The following HABP4 variants were observed in gnomAD, a reference collection of about 807,000 sequenced individuals.
HABP4 encodes hyaluronan binding protein 4, also known as intracellular hyaluronan-binding protein 4.
In HABP4, 32 loss-of-function variants were observed where a neutral mutation model predicts 44.1. The observed-to-expected ratio is 0.73, with a 90% CI of 0.55 to 0.97. The LOEUF (loss-of-function observed/expected upper bound fraction) is 0.97. Among genes scored for constraint, HABP4 ranks in the 50% least tolerant of loss-of-function variants. The pLI is 0.00. For missense variants in HABP4, 503 were observed against 561.9 expected (o/e 0.90, Z 1.06); for synonymous variants, 216 against 218.0 (o/e 0.99, Z 0.08).
intron 1 of HABP4, among the ~76,000 whole-genome samples, chr9:96,452,116 A>C (rs901894727): frequency 2.6e-5 from 4 of 151,324 alleles, no homozygotes; most frequent in Non-Finnish European, 4.4e-5. Flanking sequence ...AGGTCCAGCT[A>C]CTCGGGAGGC....
chr9:96,450,304 G>T lies in HABP4; in HGVS notation c.25G>T (p.Val9Leu), dbSNP rs1312616504. Residue 9 changes from valine (V) to leucine (L), a missense_variant, in exon 1 of 8, where the codon GTG (valine) becomes TTG (leucine). Physicochemically the swap from Val to Leu is conservative, Grantham distance 32. Coordinates refer to ENST00000375249, the MANE Select transcript of HABP4 (RefSeq NM_014282.4). The surrounding 1 kb of genome is among the most constrained non-coding windows in gnomAD (Gnocchi z 4.8). MKGALGSP[V>L]AAAGAAMQES... is the part of the protein sequence containing the mutation. ...CATGAAGGGCGCTCTGGGGAGTCCC[G>T]TGGCTGCCGCTGGCGCCGCGATGCA... 3 of 1,468,328 alleles carry T rather than the reference G, an allele frequency of 2.0e-6. No individual in the cohort carries two copies. The African/African-American group carries it at 4.4e-5, about 22-fold the overall frequency. 91.0% of individuals were successfully genotyped at this position (1,468,328 alleles called of 1,614,324 possible). A position where few individuals can be genotyped will look rare whatever the true frequency, so the allele number is the denominator to read the frequency against.
Position 96,470,884 on chromosome 9 carries a change from G to T in HABP4, c.744-127G>T, listed in dbSNP as rs1305193783. The T allele has an allele frequency of 2.2e-5, 13 of 593,622 alleles. No individual in the cohort carries two copies. In the East Asian group the frequency reaches 2.3e-4, roughly 11 times the overall value. The allele number at this position is 593,622 out of a possible 1,614,324, so 36.8% of individuals were successfully genotyped here. On this transcript the variant is annotated intron_variant, in intron 4 of 7. Coordinates refer to ENST00000375249, the MANE Select transcript of HABP4 (RefSeq NM_014282.4). ...CACTCCAGCCTGGGCGACAGAGTGA[G>T]ACTCAGTCTCAAAAAAAAAAAAAAA...
chr9:96,451,287 T>C (rs1274950288), intron 1 of HABP4, among the ~76,000 whole-genome samples: 1 of 152,278 alleles, frequency 6.6e-6, no homozygotes, highest in Non-Finnish European at 1.5e-5. Flanking sequence ...AAAAGCGTTT[T>C]TAACCTTTCC....
intron 2 of HABP4, among the ~76,000 whole-genome samples, chr9:96,460,267 T>G (rs537918737): frequency 1.3e-5 from 2 of 152,252 alleles, no homozygotes; most frequent in Non-Finnish European, 2.9e-5. Flanking sequence ...CAGAAAAGTT[T>G]TAAGAATTAT....
intron 4 of HABP4, among the ~76,000 whole-genome samples, chr9:96,469,340 G>T (rs573734815): frequency 3.9e-5 from 6 of 152,298 alleles, no homozygotes; most frequent in African/African-American, 1.4e-4. Flanking sequence ...ATCTGTTGTT[G>T]TCAGAGATTT....
chr9:96,483,729 CAT>C (rs1832920903), intron 5 of HABP4: 1 of 151,842 alleles, frequency 6.6e-6, no homozygotes, highest in African/African-American at 2.4e-5. Context: ...TTTTTGGTGT[CAT>C]GTGGAAGAAA....
At chr9:96,472,453 A>G (rs1832714277) in intron 5 of HABP4, among the ~76,000 whole-genome samples, 1 of 152,110 alleles carries the variant, frequency 6.6e-6, no homozygotes, top group Non-Finnish European at 1.5e-5. Flanking sequence ...CAGAGTAATT[A>G]TGATCCATTA....
chr9:96,471,186 A>G (rs1210464011), intron 5 of HABP4, 92 bp downstream of exon 5: 2 of 741,376 alleles, frequency 2.7e-6, no homozygotes, highest in Non-Finnish European at 2.4e-6. Context: ...TTTGTCACCC[A>G]GGCTGGAGTG....
chr9:96,469,353 T>C (rs907105122), intron 4 of HABP4, among the ~76,000 whole-genome samples: 23 of 152,300 alleles, frequency 1.5e-4, no homozygotes, highest in African/African-American at 5.3e-4. Flanking sequence ...AGAGATTTGA[T>C]TAAGTTTGAG....
chr9:96,477,146 A>G (rs554048436), intron 5 of HABP4, among the ~76,000 whole-genome samples: 27 of 152,330 alleles, frequency 1.8e-4, no homozygotes, highest in African/African-American at 6.0e-4. Context: ...TGTAAAATCT[A>G]TTCTTTCTAG....
At position 96,450,597 on chromosome 9, in the gene HABP4, C is replaced by T. The variant is rs371126575; in HGVS notation, c.318C>T (p.Pro106=). The change falls in exon 1 of 8, where the codon CCC becomes CCT. Residue 106 remains proline (P), a synonymous_variant. Transcript: ENST00000375249. The surrounding 1 kb of genome is among the most constrained non-coding windows in gnomAD (Gnocchi z 4.8). The stretch of plus-strand genomic sequence containing the variant: ...TCCCGGCGCCCGTCGCTCAGCGGCC[C>T]GATAGCCCCGGGGGCGGCCTGCAGG... The part of the protein sequence containing the change: ...KSLPAPVAQR[P]DSPGGGLQAP... The T allele has an allele frequency of 1.1e-5, 14 of 1,284,084 alleles. No individual in the cohort carries two copies. In the South Asian group the frequency reaches 1.5e-4, roughly 14 times the overall value. 79.5% of individuals were successfully genotyped at this position (1,284,084 alleles called of 1,614,324 possible).
chr9:96,465,708 A>T lies in HABP4; in HGVS notation c.675-2A>T. 6.3e-7 allele frequency: 1 copy of T among 1,586,432 alleles called. No individual in the cohort carries two copies. The highest frequency in any genetic ancestry group is 8.7e-7 in the Non-Finnish European group (1 of 1,154,784). Reference sequence around the variant, plus strand: ...TTAAGGGACTATTCTTTCTTTCCGTAGAGCAGTCAGAACTGAAGACAACAT... The same window carrying T: ...TTAAGGGACTATTCTTTCTTTCCGTTGAGCAGTCAGAACTGAAGACAACAT... On this transcript the variant is annotated splice_acceptor_variant, in intron 3 of 7. Coordinates refer to ENST00000375249, the MANE Select transcript of HABP4 (RefSeq NM_014282.4). LOFTEE classifies it high-confidence loss of function.
intron 5 of HABP4, among the ~76,000 whole-genome samples, chr9:96,473,814 A>G (rs1832734055): frequency 6.6e-6 from 1 of 152,094 alleles, no homozygotes; most frequent in Admixed American, 6.5e-5. Flanking sequence ...CTCTTCGCCT[A>G]TCTGTCTCTT....
intron 4 of HABP4, among the ~76,000 whole-genome samples, chr9:96,467,567 C>G (rs1313031060): frequency 1.4e-5 from 2 of 146,900 alleles, no homozygotes; most frequent in African/African-American, 5.1e-5. Flanking sequence ...ACTCTGTCAC[C>G]CAGGCTGGAG....
At chr9:96,459,944 T>C (rs1041243134) in intron 2 of HABP4, among the ~76,000 whole-genome samples, 2 of 152,188 alleles carry the variant, frequency 1.3e-5, no homozygotes, top group Non-Finnish European at 2.9e-5. Context: ...AAATCTGCTG[T>C]GTAGTAAGCA....
chr9:96,450,635 G>T lies in HABP4; in HGVS notation c.349+7G>T. 7.9e-7 allele frequency: 1 copy of T among 1,263,362 alleles called. No individual in the cohort carries two copies. The highest frequency in any genetic ancestry group is 3.1e-5 in the East Asian group (1 of 32,036). 78.3% of individuals were successfully genotyped at this position (1,263,362 alleles called of 1,614,324 possible). A position where few individuals can be genotyped will look rare whatever the true frequency, so the allele number is the denominator to read the frequency against. On this transcript the variant is annotated splice_region_variant and intron_variant, in intron 1 of 7. Coordinates refer to ENST00000375249, the MANE Select transcript of HABP4 (RefSeq NM_014282.4). The surrounding 1 kb of genome is among the most constrained non-coding windows in gnomAD (Gnocchi z 4.8). The stretch of plus-strand genomic sequence containing the variant: ...GGCGGCCTGCAGGCGCCGGGTACGC[G>T]GGGACAGCGGGGTTAGCGGACCACG...
At chr9:96,487,317 T>G (rs553279958) in intron 6 of HABP4, among the ~76,000 whole-genome samples, 58 of 151,186 alleles carry the variant, frequency 3.8e-4, no homozygotes, top group African/African-American at 9.0e-4. Context: ...AGTGGGGTTT[T>G]TGTGTGTGTG....
chr9:96,471,040 A>T lies in HABP4; in HGVS notation c.773A>T (p.Glu258Val). Residue 258 changes from glutamate to valine, a missense_variant, in exon 5 of 8, where the codon GAA becomes GTA. By Grantham distance (121) the Glu-to-Val change is moderately radical. This residue lies in a region of HABP4 where 131 missense variants were observed against 189.8 expected (regional missense o/e 0.69). Coordinates refer to ENST00000375249, the MANE Select transcript of HABP4 (RefSeq NM_014282.4). ...SDVEPTAPME[E>V]PTVVEESQGT... Reference sequence around the variant, plus strand: ...GTGGAGCCAACTGCACCGATGGAGGAACCCACAGTGGTGGAGGAGTCCCAG... The same window carrying T: ...GTGGAGCCAACTGCACCGATGGAGGTACCCACAGTGGTGGAGGAGTCCCAG... 1 of 1,609,222 alleles carries T rather than the reference A, an allele frequency of 6.2e-7. No homozygotes were observed.
At chr9:96,472,965 G>T (rs1007793289) in intron 5 of HABP4, among the ~76,000 whole-genome samples, 2 of 152,140 alleles carry the variant, frequency 1.3e-5, no homozygotes, top group Admixed American at 6.5e-5. Flanking sequence ...TGGTTTCTGT[G>T]ATCACTCTGC....
Sources: gnomAD v4.1 joint callset for allele counts (sites outside exome capture counted in the v4.1 genomes callset) on GRCh38, gnomAD v4.1.1 for gene constraint, gnomAD v4.1.1 regional missense constraint, Gnocchi (gnomAD v3.1) non-coding constraint, MANE v1.5 for transcripts, NCBI Gene and HGNC (gene_info 2026-07-23, HGNC 2026-07-21) for gene names.